Variants in SLC10A7 observed in about 807,000 individuals in gnomAD.
SLC10A7 encodes the protein solute carrier family 10 member 7.
In SLC10A7, 29 loss-of-function variants were observed where a neutral mutation model predicts 43.2. That is an observed-to-expected ratio of 0.67 (90% CI 0.50 to 0.92). The LOEUF (loss-of-function observed/expected upper bound fraction) is 0.92, where lower values mean the gene tolerates loss of function less well. Among genes scored for constraint, SLC10A7 ranks in the 40% least tolerant of loss-of-function variants. SLC10A7 has a pLI of 0.00. For synonymous variants in SLC10A7, 152 were observed against 144.8 expected (o/e 1.05, Z -0.35); for missense variants, 295 against 403.2 (o/e 0.73, Z 2.30).
At chr4:146,494,630 G>C in intron 4 of SLC10A7, among the ~76,000 whole-genome samples, 1 of 152,100 alleles carries the variant, frequency 6.6e-6, no homozygotes, top group Non-Finnish European at 1.5e-5. Flanking sequence ...GGAAGCAGAA[G>C]GAATTTGGAG....
intron 5 of SLC10A7, among the ~76,000 whole-genome samples, chr4:146,394,167 AG>A (rs1320330390): frequency 2.0e-5 from 3 of 152,200 alleles, no homozygotes; most frequent in Non-Finnish European, 4.4e-5. Flanking sequence ...GGACTGGTCA[AG>A]GTCAGCCCTA....
intron 5 of SLC10A7, among the ~76,000 whole-genome samples, chr4:146,336,350 G>A (rs566902047): frequency 3.6e-4 from 55 of 152,126 alleles, no homozygotes; most frequent in African/African-American, 1.3e-3. Context: ...GTGAACCCAC[G>A]CTGGCTTCTA....
At chr4:146,377,608 G>T (rs1481404108) in intron 5 of SLC10A7, among the ~76,000 whole-genome samples, 2 of 152,152 alleles carry the variant, frequency 1.3e-5, no homozygotes, top group Non-Finnish European at 2.9e-5. Flanking sequence ...GTTGTTCAGG[G>T]ACCCAGAACC....
At chr4:146,366,103 C>T (rs1186359638) in intron 5 of SLC10A7, among the ~76,000 whole-genome samples, 1 of 152,196 alleles carries the variant, frequency 6.6e-6, no homozygotes, top group African/African-American at 2.4e-5. Flanking sequence ...ACCCACCAGC[C>T]TCACCCCATG....
intron 5 of SLC10A7, among the ~76,000 whole-genome samples, chr4:146,432,000 A>G (rs1268542045): frequency 2.0e-5 from 3 of 152,232 alleles, no homozygotes; most frequent in Non-Finnish European, 4.4e-5. Flanking sequence ...CAGGCCACCA[A>G]AGATATACGG....
chr4:146,268,839 T>C (rs1034333315), intron 10 of SLC10A7, among the ~76,000 whole-genome samples: 3 of 152,134 alleles, frequency 2.0e-5, no homozygotes, highest in Non-Finnish European at 4.4e-5. Flanking sequence ...TGAAAAGAAT[T>C]TGTCAGGGTA....
rs547299588 is a variant in SLC10A7, at chr4:146,496,372, T to C, written c.396+7477A>G. On this transcript the variant is annotated intron_variant, in intron 4 of 11. Transcript: ENST00000335472. ...AGACAAGGGGGCCTCAAAAGCAAGA[T>C]GGTCTCCCTAACCTTCTCCTACCCT... Among the ~76,000 whole-genome samples, 95 of 152,286 alleles carry C rather than the reference T, an allele frequency of 6.2e-4. 1 individual carries two copies. The highest frequency in any genetic ancestry group is 2.2e-3 in the African/African-American group (91 of 41,560).
chr4:146,471,015 T>C (rs891161448), intron 4 of SLC10A7, among the ~76,000 whole-genome samples: 1 of 152,246 alleles, frequency 6.6e-6, no homozygotes, highest in African/African-American at 2.4e-5. Flanking sequence ...TTAAATTAGC[T>C]TAAATAAACA....
intron 6 of SLC10A7, among the ~76,000 whole-genome samples, chr4:146,319,720 G>T (rs1315998397): frequency 2.0e-5 from 3 of 152,062 alleles, no homozygotes; most frequent in Non-Finnish European, 4.4e-5. Flanking sequence ...CAGAAGTGGA[G>T]TGCAGGTAGG....
At chr4:146,489,556 G>A (rs543870469) in intron 4 of SLC10A7, among the ~76,000 whole-genome samples, 1 of 152,314 alleles carries the variant, frequency 6.6e-6, no homozygotes, top group African/African-American at 2.4e-5. Context: ...AGAGCTTATT[G>A]TGATTGAGGT....
intron 10 of SLC10A7, among the ~76,000 whole-genome samples, chr4:146,271,632 C>T (rs1016699144): frequency 2.0e-5 from 3 of 152,128 alleles, no homozygotes; most frequent in Non-Finnish European, 4.4e-5. Context: ...TTCAAAACCC[C>T]CAATGGCTTC....
intron 5 of SLC10A7, among the ~76,000 whole-genome samples, chr4:146,438,685 G>C (rs1730382367): frequency 6.6e-6 from 1 of 151,976 alleles, no homozygotes; most frequent in Non-Finnish European, 1.5e-5. Context: ...ACTTTAACCT[G>C]TAATTCTTAG....
chr4:146,285,357 G>A (rs956408068), intron 9 of SLC10A7, among the ~76,000 whole-genome samples: 6 of 152,176 alleles, frequency 3.9e-5, no homozygotes, highest in Admixed American at 1.3e-4. Flanking sequence ...AAAGAGACAT[G>A]GAGATAGGAT....
intron 3 of SLC10A7, among the ~76,000 whole-genome samples, chr4:146,504,903 A>G (rs1470424385): frequency 2.0e-5 from 3 of 152,210 alleles, no homozygotes; most frequent in South Asian, 2.1e-4. Context: ...TGACAGGTCT[A>G]TTTTCTTAGT....
chr4:146,406,062 G>A (rs913566420), intron 5 of SLC10A7, among the ~76,000 whole-genome samples: 18 of 152,210 alleles, frequency 1.2e-4, no homozygotes, highest in Middle Eastern at 3.4e-3. Flanking sequence ...AGAACAATTG[G>A]GAGCTGTACT....
chr4:146,279,360 A>G (rs993999604), intron 10 of SLC10A7, among the ~76,000 whole-genome samples: 1 of 152,180 alleles, frequency 6.6e-6, no homozygotes, highest in African/African-American at 2.4e-5. Context: ...GATAAATAAG[A>G]TGGTAGTAAA....
rs559385354 is a variant in SLC10A7, at chr4:146,255,179, G to C, written c.*1312C>G. The C allele has an allele frequency of 6.5e-6, 1 of 152,688 alleles. No individual in the cohort carries two copies. The highest frequency in any genetic ancestry group is 1.9e-4 in the East Asian group (1 of 5,184). The allele number at this position is 152,688 out of a possible 1,614,324, so 9.5% of individuals were successfully genotyped here. A position where few individuals can be genotyped will look rare whatever the true frequency, so the allele number is the denominator to read the frequency against. ...GAGGATGTGACAGGACGGCATGGGG[G>C]AAACACAGAAAAGTGTTCTCGTAGT... On this transcript the variant is annotated 3_prime_UTR_variant, in exon 12 of 12. Transcript: ENST00000335472.
chr4:146,298,878 C>T (rs1730964671), intron 7 of SLC10A7, among the ~76,000 whole-genome samples: 2 of 152,128 alleles, frequency 1.3e-5, no homozygotes, highest in South Asian at 4.1e-4. Context: ...AAAGTGAGGC[C>T]TAGGAGCTGT....
intron 4 of SLC10A7, among the ~76,000 whole-genome samples, chr4:146,486,243 A>G (rs1734913892): frequency 1.3e-5 from 2 of 152,254 alleles, no homozygotes; most frequent in African/African-American, 2.4e-5. Context: ...TTTATTACCA[A>G]TTAACCACAT....
Sources: allele counts gnomAD v4.1 joint callset (sites outside exome capture counted in the v4.1 genomes callset), GRCh38; gene constraint gnomAD v4.1.1; transcripts MANE v1.5; gene names NCBI Gene and HGNC (gene_info 2026-07-23, HGNC 2026-07-21).